The following POU6F1 variants were observed in gnomAD, a reference collection of about 807,000 sequenced individuals.
POU6F1 encodes POU class 6 homeobox 1.
Under a neutral mutation model 28.9 loss-of-function variants are expected in POU6F1, and 9 were observed. The ratio of observed to expected loss-of-function variants is 0.31; its 90% CI spans 0.19 to 0.54. The LOEUF (loss-of-function observed/expected upper bound fraction) is 0.54. Ranked by LOEUF, POU6F1 falls within the 20% of genes least tolerant of loss-of-function variation. The pLI, the probability that POU6F1 is intolerant of heterozygous loss-of-function variation, is 0.94. For synonymous variants in POU6F1, 173 were observed against 171.1 expected, an observed-to-expected ratio of 1.01 and a Z score of -0.09; for missense variants, 338 against 426.1, an observed-to-expected ratio of 0.79 and a Z score of 1.82.
intron 1 of POU6F1, among the ~76,000 whole-genome samples, chr12:51,213,387 A>AT (rs1256680520): frequency 2.0e-5 from 3 of 150,348 alleles, no homozygotes; most frequent in Non-Finnish European, 3.0e-5. Context: ...TTTTATTATC[A>AT]TTTTTTTTCA....
intron 8 of POU6F1, among the ~76,000 whole-genome samples, chr12:51,192,720 T>C (rs959864595): frequency 1.3e-5 from 2 of 151,870 alleles, no homozygotes; most frequent in East Asian, 1.9e-4. Flanking sequence ...GCCTGGGCAA[T>C]GTGGCAAAAC....
intron 1 of POU6F1, among the ~76,000 whole-genome samples, chr12:51,213,143 C>G (rs1202219684): frequency 6.6e-6 from 1 of 151,952 alleles, no homozygotes; most frequent in Non-Finnish European, 1.5e-5. Context: ...CACCATGTTG[C>G]CCAGGTTAGT....
At chr12:51,201,625 A>C (rs1943216044) in intron 3 of POU6F1, 1 of 152,176 alleles carries the variant, frequency 6.6e-6, no homozygotes, top group Non-Finnish European at 1.5e-5. Context: ...GTGACAAAGC[A>C]TAACAAGTAA....
intron 1 of POU6F1, among the ~76,000 whole-genome samples, chr12:51,212,117 G>A (rs1944037349): frequency 2.0e-5 from 3 of 151,428 alleles, no homozygotes; most frequent in South Asian, 2.1e-4. Flanking sequence ...TGTTTGAGAC[G>A]GAGTCTGGCT....
rs550307127 is a variant in POU6F1 at position 51,217,977 on chromosome 12, AC to A, written c.-384del. ...ATTTTTCTTCGTTCCCCCTTCCACGACCCCCCCCTTTTCCCTCCCCCCCTTT... is the reference window on the plus strand; with the variant it reads ...ATTTTTCTTCGTTCCCCCTTCCACGACCCCCCCTTTTCCCTCCCCCCCTTT... On this transcript the variant is annotated 5_prime_UTR_variant, in exon 1 of 11. Coordinates refer to ENST00000333640, the MANE Select transcript of POU6F1 (RefSeq NM_001330422.2). The surrounding 1 kb of genome is among the most constrained non-coding windows in gnomAD (Gnocchi z 5.3). 1.2e-4 allele frequency among the ~76,000 whole-genome samples: 15 copies of A among 129,756 alleles called. No individual in the cohort carries two copies. Among genetic ancestry groups the A allele is most frequent in the Middle Eastern group, 8.9e-3 (2 of 224 alleles). The allele number at this position is 129,756 out of a possible 152,430, so 85.1% of individuals were successfully genotyped here. A position where few individuals can be genotyped will look rare whatever the true frequency, so the allele number is the denominator to read the frequency against.
At chr12:51,203,909 C>T (rs532322096) in intron 3 of POU6F1, among the ~76,000 whole-genome samples, 1 of 152,262 alleles carries the variant, frequency 6.6e-6, no homozygotes, top group African/African-American at 2.4e-5. Context: ...ACCCCCTAAG[C>T]GGAGCGCTAC....
intron 3 of POU6F1, among the ~76,000 whole-genome samples, chr12:51,200,768 A>G (rs905846392): frequency 6.6e-6 from 1 of 152,034 alleles, no homozygotes; most frequent in African/African-American, 2.4e-5. Context: ...GCTCACTGCA[A>G]TCTCTGCCTC....
chr12:51,196,204 G>A (rs1181572905), intron 7 of POU6F1, 31 bp from the exon 8 acceptor site: 1 of 1,453,262 alleles, frequency 6.9e-7, no homozygotes, highest in Admixed American at 2.8e-5. Context: ...GACCCCAGGT[G>A]TGAGGGTAGC....
In POU6F1 at chr12:51,204,350, G is replaced by T; in HGVS notation, c.67C>A (p.His23Asn). The change falls in exon 3 of 11, where the codon CAT becomes AAT. Residue 23 changes from histidine to asparagine, a missense_variant. Physicochemically the swap from His to Asn is moderately conservative, Grantham distance 68 (BLOSUM62 1). Coordinates refer to ENST00000333640, the MANE Select transcript of POU6F1 (RefSeq NM_001330422.2). Reference protein sequence around the residue: ...VNEQVIVMSGHETIRVLEVGV... With the variant: ...VNEQVIVMSGNETIRVLEVGV... ...ACTTCCAGCACTCGGATGGTCTCAT[G>T]ACCTGACATCACGATGACCTGCAAG... The T allele has an allele frequency of 2.5e-6, 1 of 399,316 alleles. No individual in the cohort carries two copies. The highest frequency in any genetic ancestry group is 1.3e-4 in the South Asian group (1 of 7,842). 24.7% of individuals were successfully genotyped at this position (399,316 alleles called of 1,614,324 possible). A position where few individuals can be genotyped will look rare whatever the true frequency, so the allele number is the denominator to read the frequency against.
chr12:51,210,446 C>T (rs1943919223), intron 1 of POU6F1, among the ~76,000 whole-genome samples: 2 of 152,094 alleles, frequency 1.3e-5, no homozygotes, highest in African/African-American at 4.8e-5. Flanking sequence ...CAGCAGTAGC[C>T]AATCTTTGTA....
intron 10 of POU6F1, 83 bp downstream of exon 10, chr12:51,191,513 G>T: frequency 6.7e-7 from 1 of 1,487,638 alleles, no homozygotes; most frequent in Non-Finnish European, 9.1e-7. Context: ...TGGAAAAGGG[G>T]CCGGTGCTCA....
intron 1 of POU6F1, among the ~76,000 whole-genome samples, chr12:51,211,758 T>TAATA (rs762623599): frequency 1.3e-5 from 2 of 152,008 alleles, no homozygotes; most frequent in Non-Finnish European, 2.9e-5. Context: ...ACCTTGTCCC[T>TAATA]AATAAATAAA....
intron 6 of POU6F1, 56 bp from the exon 7 acceptor site, chr12:51,196,983 C>A (rs1592152185): frequency 9.7e-7 from 1 of 1,036,024 alleles, no homozygotes; most frequent in East Asian, 2.4e-5. Flanking sequence ...GAACCCCGGG[C>A]AGAGGGAAGA....
chr12:51,213,753 C>T (rs1294387115), intron 1 of POU6F1, among the ~76,000 whole-genome samples: 5 of 149,038 alleles, frequency 3.4e-5, no homozygotes, highest in African/African-American at 7.4e-5. Context: ...AGGCTGGTCT[C>T]GAACTCCTGA....
Position 51,218,026 on chromosome 12 carries a change from A to AT in POU6F1, c.-433dup, listed in dbSNP as rs963428410. 2.1e-5 allele frequency among the ~76,000 whole-genome samples: 3 copies of AT among 140,048 alleles called. No homozygotes were observed. Among genetic ancestry groups the AT allele is most frequent in the African/African-American group, 7.9e-5 (3 of 37,838 alleles). 91.9% of individuals were successfully genotyped at this position (140,048 alleles called of 152,430 possible). A position where few individuals can be genotyped will look rare whatever the true frequency, so the allele number is the denominator to read the frequency against. On this transcript the variant is annotated 5_prime_UTR_variant, in exon 1 of 11. It removes the in-frame stop codon of an upstream open reading frame in the 5' UTR. Coordinates refer to ENST00000333640, the MANE Select transcript of POU6F1 (RefSeq NM_001330422.2). ...TTTTTTCCCTCCTTCTGCTACTTGG[A>AT]TTTTTTTAGCTGCTGCGTCATGAGC...
rs1415826338 is a variant in POU6F1 at position 51,199,602 on chromosome 12, G to C, written c.366+145C>G. ...GCAGGGGTGAGGCTGGATGTGCCTA[G>C]TGGGAGAGTCCCTCCCTCAAGCCAT... On this transcript the variant is annotated intron_variant, in intron 4 of 10. Transcript: ENST00000333640. The surrounding 1 kb of genome is among the most constrained non-coding windows in gnomAD (Gnocchi z 4.1). The C allele has an allele frequency of 2.5e-6, 1 of 398,000 alleles. No individual in the cohort carries two copies. The highest frequency in any genetic ancestry group is 4.4e-6 in the Non-Finnish European group (1 of 225,966). 24.7% of individuals were successfully genotyped at this position (398,000 alleles called of 1,614,324 possible).
chr12:51,194,312 C>T (rs957337847), intron 8 of POU6F1, among the ~76,000 whole-genome samples: 1 of 152,144 alleles, frequency 6.6e-6, no homozygotes, highest in Non-Finnish European at 1.5e-5. Flanking sequence ...CAGGCCTGAG[C>T]CACTGTGCCC....
chr12:51,216,322 T>TAAGA (rs1944284058), intron 1 of POU6F1, among the ~76,000 whole-genome samples: 1 of 152,238 alleles, frequency 6.6e-6, no homozygotes, highest in East Asian at 1.9e-4. Flanking sequence ...CTGAGTCACT[T>TAAGA]TTCTTAACTG....
chr12:51,203,411 C>T (rs1243045778), intron 3 of POU6F1, among the ~76,000 whole-genome samples: 1 of 152,102 alleles, frequency 6.6e-6, no homozygotes, highest in Non-Finnish European at 1.5e-5. Flanking sequence ...CCCTTGGGAA[C>T]AGGTGATGAC....
Sources: gnomAD v4.1 joint callset for allele counts (sites outside exome capture counted in the v4.1 genomes callset) on GRCh38, gnomAD v4.1.1 for gene constraint, Gnocchi (gnomAD v3.1) non-coding constraint, MANE v1.5 for transcripts, NCBI Gene and HGNC (gene_info 2026-07-23, HGNC 2026-07-21) for gene names.